Variants in RYR3 observed in about 807,000 individuals in gnomAD.
RYR3 encodes brain ryanodine receptor-calcium release channel.
RYR3 carries 207 observed loss-of-function variants against 584.3 expected under a neutral mutation model. That is an observed-to-expected ratio of 0.35 (90% CI 0.32 to 0.40). The LOEUF is 0.40. RYR3 is among the 10% of genes least tolerant of loss of function. RYR3 has a pLI of 1.00. For missense variants in RYR3, 5,616 were observed against 6,089.2 expected, an observed-to-expected ratio of 0.92 and a Z score of 2.59; for synonymous variants, 2,416 against 2,248.5, an observed-to-expected ratio of 1.07 and a Z score of -2.11.
At chr15:33,843,608 T>C (rs1394551075) in intron 92 of RYR3, 34 bp downstream of exon 92, 3 of 1,335,758 alleles carry the variant, frequency 2.2e-6, no homozygotes, top group South Asian at 1.2e-5. Flanking sequence ...TTGCTAAATA[T>C]GCTGTATACT....
chr15:33,757,509 G>A lies in RYR3; in HGVS notation c.8618G>A (p.Ser2873Asn), dbSNP rs754341540. Residue 2873 changes from serine (S) to asparagine (N), a missense_variant, in exon 60 of 104, where the codon AGT (serine) becomes AAT (asparagine). Ser to Asn is a conservative substitution (Grantham distance 46). Around this residue, in one of 9 missense-constraint regions of RYR3, gnomAD observed 1,280 missense variants for 1,426.2 expected, o/e 0.90. Coordinates refer to ENST00000634891, the MANE Select transcript of RYR3 (RefSeq NM_001036.6). ...LLPLVDQYFT[S>N]HCLYFLSSPL... Reference sequence around the variant, plus strand: ...CCGCTGGTTGACCAGTACTTCACCAGTCATTGCCTCTACTTCTTGTCATCC... The same window carrying A: ...CCGCTGGTTGACCAGTACTTCACCAATCATTGCCTCTACTTCTTGTCATCC... The A allele has an allele frequency of 6.2e-7, 1 of 1,610,038 alleles. No homozygotes were observed. Among genetic ancestry groups the A allele is most frequent in the Non-Finnish European group, 8.5e-7 (1 of 1,178,460 alleles).
In RYR3 at chr15:33,725,169, A is replaced by ACG. The variant is rs1269882916; in HGVS notation, c.6912+994_6912+995insGC. ...TCCAACACCTTACACACACACACACACACACACACACACACACACACACAC... is the reference window on the plus strand; with the variant it reads ...TCCAACACCTTACACACACACACACACGCACACACACACACACACACACACAC... On this transcript the variant is annotated intron_variant, in intron 45 of 103. Transcript: ENST00000634891. Among the ~76,000 whole-genome samples, 12 of 133,964 alleles carry ACG rather than the reference A, an allele frequency of 9.0e-5. 1 individual carries two copies. Among genetic ancestry groups the ACG allele is most frequent in the Admixed American group, 2.8e-4 (4 of 14,080 alleles). The allele number at this position is 133,964 out of a possible 152,430, so 87.9% of individuals were successfully genotyped here.
chr15:33,634,487 A>T, intron 24 of RYR3, 99 bp from the exon 25 acceptor site: 3 of 1,250,526 alleles, frequency 2.4e-6, no homozygotes, highest in Non-Finnish European at 3.5e-6. Flanking sequence ...ACCTAGAGCG[A>T]CCAGAAAGCC....
At chr15:33,625,741 T>C (rs951442) in intron 20 of RYR3, among the ~76,000 whole-genome samples, 60,998 of 151,872 alleles carry the variant, frequency 0.4, 12,657 homozygotes, top group East Asian at 0.6. Context: ...AATAAATGAT[T>C]CCTAAGGAGA....
chr15:33,594,880 C>T (rs2059296730), intron 16 of RYR3, among the ~76,000 whole-genome samples: 1 of 152,172 alleles, frequency 6.6e-6, no homozygotes, highest in East Asian at 1.9e-4. Flanking sequence ...ATAATGTACA[C>T]TAAGGTACAT....
intron 1 of RYR3, among the ~76,000 whole-genome samples, chr15:33,409,207 A>G (rs2043222717): frequency 6.6e-6 from 1 of 152,146 alleles, no homozygotes; most frequent in African/African-American, 2.4e-5. Context: ...GGCCTTCTTT[A>G]AGTTTTAACG....
At chr15:33,362,215 G>A (rs75588014) in intron 1 of RYR3, among the ~76,000 whole-genome samples, 7 of 152,214 alleles carry the variant, frequency 4.6e-5, no homozygotes, top group South Asian at 2.1e-4. Flanking sequence ...GTGTTATTGC[G>A]TTATTTGCTT....
intron 86 of RYR3, among the ~76,000 whole-genome samples, chr15:33,833,454 G>A (rs1287524136): frequency 6.6e-6 from 1 of 152,198 alleles, no homozygotes; most frequent in Non-Finnish European, 1.5e-5. Context: ...ACTTGAAAAG[G>A]AGGATTTTGA....
chr15:33,663,509 T>A (rs1468367839), intron 35 of RYR3, 28 bp from the exon 36 acceptor site: 20 of 1,599,772 alleles, frequency 1.3e-5, no homozygotes, highest in East Asian at 2.2e-5. Context: ...GTACACAAAG[T>A]GTTATCTATA....
intron 101 of RYR3, 116 bp from the exon 102 acceptor site, chr15:33,860,962 C>T (rs1298942413): frequency 4.8e-6 from 4 of 836,584 alleles, no homozygotes; most frequent in Non-Finnish European, 7.8e-6. Context: ...TGACTAATAG[C>T]CAAAAGCATT....
intron 2 of RYR3, among the ~76,000 whole-genome samples, chr15:33,499,062 A>G (rs2051709003): frequency 6.6e-6 from 1 of 151,960 alleles, no homozygotes; most frequent in Admixed American, 6.6e-5. Context: ...CTCTAATGGC[A>G]CCCTATTCTC....
At chr15:33,589,332 T>C (rs577690597) in intron 16 of RYR3, among the ~76,000 whole-genome samples, 1 of 152,350 alleles carries the variant, frequency 6.6e-6, no homozygotes, top group South Asian at 2.1e-4. Context: ...TTGAGTTGTT[T>C]GAGTTCCCTG....
At chr15:33,383,443 T>C (rs1346977950) in intron 1 of RYR3, among the ~76,000 whole-genome samples, 1 of 151,764 alleles carries the variant, frequency 6.6e-6, no homozygotes, top group Non-Finnish European at 1.5e-5. Context: ...GAAATTGCCT[T>C]CTGGATTTCA....
At chr15:33,628,425 A>T in intron 20 of RYR3, 46 bp from the exon 21 acceptor site, 1 of 1,356,988 alleles carries the variant, frequency 7.4e-7, no homozygotes, top group Non-Finnish European at 1.1e-6. Context: ...ATTTTATGAT[A>T]GGTTTCAAAA....
intron 1 of RYR3, among the ~76,000 whole-genome samples, chr15:33,460,770 G>A (rs2047955273): frequency 6.6e-6 from 1 of 151,844 alleles, no homozygotes; most frequent in African/African-American, 2.4e-5. Context: ...ATTTTTAGGA[G>A]TTTATGAACT....
intron 42 of RYR3, among the ~76,000 whole-genome samples, chr15:33,706,095 G>A (rs929285685): frequency 2.0e-5 from 3 of 151,904 alleles, no homozygotes; most frequent in Non-Finnish European, 4.4e-5. Flanking sequence ...GGAAATGGAA[G>A]CCTTTCAGTT....
At chr15:33,608,782 G>A (rs1221898016) in intron 18 of RYR3, among the ~76,000 whole-genome samples, 2 of 152,194 alleles carry the variant, frequency 1.3e-5, no homozygotes, top group Non-Finnish European at 2.9e-5. Context: ...AAACGTCTAC[G>A]TTGAGCCCAG....
intron 1 of RYR3, among the ~76,000 whole-genome samples, chr15:33,433,421 G>C (rs1199935369): frequency 6.6e-6 from 1 of 152,038 alleles, no homozygotes; most frequent in Non-Finnish European, 1.5e-5. Context: ...TATATAATAA[G>C]TACATATTAC....
chr15:33,350,180 T>C (rs1973056324), intron 1 of RYR3, among the ~76,000 whole-genome samples: 2 of 152,050 alleles, frequency 1.3e-5, no homozygotes, highest in South Asian at 4.1e-4. Context: ...TACATAATGG[T>C]AAAGGGATCA....
Sources: gnomAD v4.1 joint callset for allele counts (sites outside exome capture counted in the v4.1 genomes callset) on GRCh38, gnomAD v4.1.1 for gene constraint, gnomAD v4.1.1 regional missense constraint, MANE v1.5 for transcripts, NCBI Gene and HGNC (gene_info 2026-07-23, HGNC 2026-07-21) for gene names.